The following RUNX2 variants were observed in gnomAD, a reference collection of about 807,000 sequenced individuals.
The protein encoded by RUNX2 is RUNX family transcription factor 2.
RUNX2 carries 10 observed loss-of-function variants against 51.7 expected under a neutral mutation model. The observed-to-expected ratio is 0.19, with a 90% CI of 0.12 to 0.33. The LOEUF (loss-of-function observed/expected upper bound fraction) is 0.33, where lower values mean the gene tolerates loss of function less well. RUNX2 is among the 10% of genes least tolerant of loss of function. RUNX2 has a pLI of 1.00. For missense variants in RUNX2, 562 were observed against 691.3 expected (o/e 0.81, Z 2.10); for synonymous variants, 276 against 273.6 (o/e 1.01, Z -0.09).
rs2150407535 is a variant in RUNX2 at position 45,491,942 on chromosome 6, G to A, written c.687G>A (p.Arg229=). ...TATTTTATGATTTGCTATTTCCAGGGCACAGACAGAAGCTTGATGACTCTA... is the reference window on the plus strand; with the variant it reads ...TATTTTATGATTTGCTATTTCCAGGACACAGACAGAAGCTTGATGACTCTA... The part of the protein sequence containing the change: ...VTVDGPREPR[R]HRQKLDDSKP... The change falls in exon 6 of 9, where the codon AGG becomes AGA. Residue 229 remains arginine, a splice_region_variant and synonymous_variant. Coordinates refer to ENST00000647337, the MANE Select transcript of RUNX2 (RefSeq NM_001024630.4). 4.3e-6 allele frequency: 7 copies of A among 1,613,668 alleles called. No homozygotes were observed. Among genetic ancestry groups the A allele is most frequent in the Non-Finnish European group, 5.9e-6 (7 of 1,179,780 alleles).
At chr6:45,499,585 G>C (rs939527387) in intron 6 of RUNX2, among the ~76,000 whole-genome samples, 2 of 152,122 alleles carry the variant, frequency 1.3e-5, no homozygotes, top group African/African-American at 4.8e-5. Flanking sequence ...CTGTCTGTTG[G>C]CATTCCCTTA....
chr6:45,475,130 A>G (rs558316036), intron 5 of RUNX2, among the ~76,000 whole-genome samples: 37 of 152,120 alleles, frequency 2.4e-4, no homozygotes, highest in African/African-American at 8.9e-4. Context: ...TCTTAAAAAA[A>G]AAAAAAAAAA....
At chr6:45,360,733 T>G (rs1424432775) in intron 2 of RUNX2, among the ~76,000 whole-genome samples, 13 of 152,198 alleles carry the variant, frequency 8.5e-5, no homozygotes. Flanking sequence ...AGAAAATTGT[T>G]AGTTCAGTTT....
chr6:45,516,757 G>A (rs1448645701), intron 7 of RUNX2, among the ~76,000 whole-genome samples: 1 of 152,216 alleles, frequency 6.6e-6, no homozygotes, highest in Non-Finnish European at 1.5e-5. Context: ...GATCTTCAAA[G>A]CACTTGTGAG....
intron 5 of RUNX2, among the ~76,000 whole-genome samples, chr6:45,472,868 C>T (rs1011218740): frequency 2.6e-5 from 4 of 152,146 alleles, no homozygotes; most frequent in African/African-American, 9.7e-5. Context: ...GGGTATCTTT[C>T]TGCAATGGGC....
chr6:45,395,159 G>T (rs549733835), intron 2 of RUNX2, among the ~76,000 whole-genome samples: 2 of 152,156 alleles, frequency 1.3e-5, no homozygotes, highest in African/African-American at 2.4e-5. Context: ...GCAGTGGTTT[G>T]TCCTGTGACC....
intron 7 of RUNX2, 97 bp from the exon 8 acceptor site, chr6:45,545,120 C>T: frequency 2.0e-6 from 2 of 984,508 alleles, no homozygotes; most frequent in Non-Finnish European, 3.1e-6. Context: ...GTCTACCCCT[C>T]CCCTAAGGCT....
chr6:45,483,773 A>G (rs2150401559), intron 5 of RUNX2, among the ~76,000 whole-genome samples: 1 of 152,324 alleles, frequency 6.6e-6, no homozygotes, highest in South Asian at 2.1e-4. Flanking sequence ...ATTTTGCCAA[A>G]CGGAGTTGAT....
intron 2 of RUNX2, chr6:45,371,966 A>C: frequency 1.2e-6 from 1 of 820,078 alleles, no homozygotes; most frequent in Non-Finnish European, 1.5e-6. Flanking sequence ...GCTGGGACTA[A>C]AACTGAGGTC....
At chr6:45,341,202 G>A (rs988878445) in intron 2 of RUNX2, among the ~76,000 whole-genome samples, 4 of 152,050 alleles carry the variant, frequency 2.6e-5, no homozygotes, top group African/African-American at 7.2e-5. Context: ...AAAGTGCTCC[G>A]CTTTTTTCTC....
chr6:45,365,185 G>T (rs1272853072), intron 2 of RUNX2: 17 of 1,471,970 alleles, frequency 1.2e-5, no homozygotes, highest in Middle Eastern at 1.7e-4. Flanking sequence ...GCAATAGCAT[G>T]CAGGGACATA....
rs548461545 is a variant in RUNX2, at chr6:45,442,199, C to T, written c.685+4148C>T. Among the ~76,000 whole-genome samples, 3 of 152,186 alleles carry T rather than the reference C, an allele frequency of 2.0e-5. No individual in the cohort carries two copies. The South Asian group carries it at 6.2e-4, about 31-fold the overall frequency. On this transcript the variant is annotated intron_variant, in intron 5 of 8. Transcript: ENST00000647337. ...AAGTAGCGTAAACATGAAAATGGTA[C>T]ACATCTTTACAAAATGCCATTTATT...
chr6:45,502,990 T>C (rs1800842480), intron 6 of RUNX2, among the ~76,000 whole-genome samples: 1 of 152,158 alleles, frequency 6.6e-6, no homozygotes, highest in Non-Finnish European at 1.5e-5. Context: ...AAAAATGATA[T>C]TGCCTTCTTC....
At chr6:45,494,905 ATAGT>A (rs537866832) in intron 6 of RUNX2, among the ~76,000 whole-genome samples, 161 of 152,252 alleles carry the variant, frequency 1.1e-3, no homozygotes, top group African/African-American at 3.8e-3. Flanking sequence ...AGTTGAAGAG[ATAGT>A]TATCCTCCCC....
chr6:45,523,776 T>C (rs1178223324), intron 7 of RUNX2, among the ~76,000 whole-genome samples: 3 of 151,580 alleles, frequency 2.0e-5, no homozygotes, highest in Admixed American at 2.0e-4. Flanking sequence ...CTACTAAAAA[T>C]ACAAAATTAG....
intron 2 of RUNX2, among the ~76,000 whole-genome samples, chr6:45,356,219 GT>G (rs1394055476): frequency 1.3e-5 from 2 of 151,340 alleles, no homozygotes; most frequent in Admixed American, 6.6e-5. Context: ...CACAGCTAAG[GT>G]TTTTTTTAAA....
rs548279979 is a variant in RUNX2, at chr6:45,510,674, C to T, written c.860-1572C>T. Among the ~76,000 whole-genome samples, 18 of 151,656 alleles carry T rather than the reference C, an allele frequency of 1.2e-4. 1 individual carries two copies. In the South Asian group the frequency reaches 3.1e-3, roughly 26 times the overall value. ...GTGTAGGGATAATTTGAAACCTATT[C>T]CAAGTGTATTAACTCCAGTTCAGAT... On this transcript the variant is annotated intron_variant, in intron 6 of 8. Transcript: ENST00000647337.
At chr6:45,430,345 AGT>A (rs1156351597) in intron 3 of RUNX2, among the ~76,000 whole-genome samples, 1 of 152,176 alleles carries the variant, frequency 6.6e-6, no homozygotes, top group East Asian at 1.9e-4. Context: ...GGCTGGGGAA[AGT>A]GGGGCCTGTA....
intron 2 of RUNX2, among the ~76,000 whole-genome samples, chr6:45,414,853 A>G (rs1798032417): frequency 7.3e-6 from 1 of 137,432 alleles, no homozygotes; most frequent in African/African-American, 2.7e-5. Flanking sequence ...TTTTAGTTTC[A>G]GTATGGACAT....
Sources: gnomAD v4.1 joint callset for allele counts (sites outside exome capture counted in the v4.1 genomes callset) on GRCh38, gnomAD v4.1.1 for gene constraint, MANE v1.5 for transcripts, NCBI Gene and HGNC (gene_info 2026-07-23, HGNC 2026-07-21) for gene names.